GCNT4: variants seen among roughly 807,000 people sequenced by gnomAD.
GCNT4 encodes beta-1,3-galactosyl-O-glycosyl-glycoprotein beta-1,6-N-acetylglucosaminyltransferase 4.
GCNT4 carries 17 observed loss-of-function variants against 31.3 expected under a neutral mutation model. The observed-to-expected ratio is 0.54, with a 90% CI of 0.37 to 0.81. The LOEUF (loss-of-function observed/expected upper bound fraction) is 0.81. GCNT4 is among the 40% of genes least tolerant of loss of function. The probability of loss-of-function intolerance (pLI) is 0.00; values close to 1 mark genes in which losing one functional copy is unlikely to be tolerated. For synonymous variants in GCNT4, 158 were observed against 190.6 expected, an observed-to-expected ratio of 0.83 and a Z score of 1.41; for missense variants, 503 against 525.5, an observed-to-expected ratio of 0.96 and a Z score of 0.42.
Position 75,029,727 on chromosome 5 carries a change from A to G in GCNT4, c.311T>C (p.Val104Ala), listed in dbSNP as rs762102892. The G allele has an allele frequency of 1.9e-6, 3 of 1,614,092 alleles. No homozygotes were observed. Among genetic ancestry groups the G allele is most frequent in the Non-Finnish European group, 2.5e-6 (3 of 1,179,986 alleles). ...DIIDLEDDDV[V>A]AMTSDCDIYQ... ...AATGTCACAATCACTGGTCATTGCC[A>G]CAACATCATCATCCTCCAAGTCAAT... The change falls in exon 4 of 4, where the codon GTG (valine) becomes GCG (alanine). Residue 104 changes from valine to alanine, a missense_variant. Physicochemically the swap from Val to Ala is moderately conservative, Grantham distance 64 (BLOSUM62 0). Transcript: ENST00000652361.
At chr5:75,037,952 A>T (rs1401482100) in intron 3 of GCNT4, among the ~76,000 whole-genome samples, 1 of 150,452 alleles carries the variant, frequency 6.6e-6, no homozygotes, top group Middle Eastern at 3.2e-3. Flanking sequence ...TTTCATTAAA[A>T]AAAAAAAAAA....
intron 3 of GCNT4, among the ~76,000 whole-genome samples, chr5:75,033,438 T>C (rs978709817): frequency 1.3e-5 from 2 of 152,130 alleles, no homozygotes; most frequent in Non-Finnish European, 2.9e-5. Context: ...GAGCCAGGAA[T>C]GAGAGTGAAT....
upstream of GCNT4, among the ~76,000 whole-genome samples, chr5:75,053,118 G>A (rs1743622755): frequency 6.6e-6 from 1 of 151,876 alleles, no homozygotes; most frequent in African/African-American, 2.4e-5. Context: ...GCCGCCCGCT[G>A]CCCTTTCCCC....
chr5:75,032,255 T>C (rs1743080134), intron 3 of GCNT4, among the ~76,000 whole-genome samples: 1 of 152,140 alleles, frequency 6.6e-6, no homozygotes, highest in African/African-American at 2.4e-5. Flanking sequence ...GATTCCACCT[T>C]CCACACTGAT....
chr5:75,038,895 C>T (rs1344676393), intron 3 of GCNT4, among the ~76,000 whole-genome samples: 2 of 152,174 alleles, frequency 1.3e-5, no homozygotes, highest in African/African-American at 4.8e-5. Context: ...CCAACTGCCC[C>T]TATTCAGGTC....
intron 3 of GCNT4, among the ~76,000 whole-genome samples, chr5:75,037,240 AG>A (rs1000087025): frequency 9.9e-5 from 15 of 152,158 alleles, no homozygotes; most frequent in African/African-American, 3.6e-4. Context: ...TGCCAAGCCC[AG>A]GGGATGTTCT....
At chr5:75,038,768 T>C (rs1442184819) in intron 3 of GCNT4, among the ~76,000 whole-genome samples, 2 of 152,214 alleles carry the variant, frequency 1.3e-5, no homozygotes, top group Admixed American at 1.3e-4. Flanking sequence ...CACTTCTTAA[T>C]ACTCTCACAC....
chr5:75,021,161 C>A (rs903655728), downstream of GCNT4, among the ~76,000 whole-genome samples: 3 of 152,134 alleles, frequency 2.0e-5, no homozygotes, highest in African/African-American at 7.2e-5. Flanking sequence ...CTCGAGGACC[C>A]CCTCTGTCAT....
intron 3 of GCNT4, among the ~76,000 whole-genome samples, chr5:75,036,339 T>C (rs1030406755): frequency 6.6e-6 from 1 of 151,806 alleles, no homozygotes; most frequent in African/African-American, 2.4e-5. Flanking sequence ...GTACTACTGT[T>C]ATCCCTCTAT....
At chr5:75,048,303 G>A (rs907521969) in intron 2 of GCNT4, among the ~76,000 whole-genome samples, 5 of 151,872 alleles carry the variant, frequency 3.3e-5, no homozygotes, top group African/African-American at 1.2e-4. Flanking sequence ...ACAGAAATAG[G>A]AACCAAGCAG....
At chr5:75,025,332 A>G (rs1240708048), downstream of GCNT4, 2 of 152,276 alleles carry the variant, frequency 1.3e-5, no homozygotes, top group African/African-American at 4.8e-5. Flanking sequence ...AGGAAAGCTC[A>G]TAAAGTCCAA....
chr5:75,046,435 T>C (rs1194943096), intron 3 of GCNT4, among the ~76,000 whole-genome samples: 3 of 152,216 alleles, frequency 2.0e-5, no homozygotes, highest in African/African-American at 7.2e-5. Context: ...CGCTAGGTGT[T>C]GTTCCTTCTG....
chr5:75,043,798 C>T lies in GCNT4; in HGVS notation c.-2+4099G>A, dbSNP rs1313417631. The stretch of plus-strand genomic sequence containing the variant: ...AAAGGAAATGCTTAACCAACATATA[C>T]ATACGCATGTCCAGGAGCCAAATTA... On this transcript the variant is annotated intron_variant, in intron 3 of 3. Coordinates refer to ENST00000652361, the MANE Select transcript of GCNT4 (RefSeq NM_001366737.1). Among the ~76,000 whole-genome samples, 4 of 152,330 alleles carry T rather than the reference C, an allele frequency of 2.6e-5. No individual in the cohort carries two copies. The East Asian group carries it at 7.7e-4, about 29-fold the overall frequency.
intron 2 of GCNT4, among the ~76,000 whole-genome samples, chr5:75,050,066 A>G (rs1029873978): frequency 3.3e-5 from 5 of 152,232 alleles, no homozygotes; most frequent in African/African-American, 1.2e-4. Flanking sequence ...TGAGACAGGA[A>G]TGTCAGGAAG....
intron 3 of GCNT4, among the ~76,000 whole-genome samples, chr5:75,034,083 G>A (rs192285670): frequency 6.7e-4 from 102 of 152,302 alleles, no homozygotes; most frequent in African/African-American, 2.3e-3. Context: ...AAAGAGGTGC[G>A]TAGGTGCAAA....
At chr5:75,042,274 A>G (rs756766190) in intron 3 of GCNT4, among the ~76,000 whole-genome samples, 1 of 152,226 alleles carries the variant, frequency 6.6e-6, no homozygotes, top group Non-Finnish European at 1.5e-5. Context: ...TTTTCTATAA[A>G]GTAGAAAAAC....
chr5:75,047,160 C>T (rs1743459231), intron 3 of GCNT4, among the ~76,000 whole-genome samples: 2 of 152,144 alleles, frequency 1.3e-5, no homozygotes, highest in African/African-American at 2.4e-5. Flanking sequence ...TGAGGGCTCC[C>T]CTGTCACATA....
rs1413987137 is a variant in GCNT4, at chr5:75,028,583, C to A, written c.*93G>T. 2 of 1,201,990 alleles carry A rather than the reference C, an allele frequency of 1.7e-6. No homozygotes were observed. The highest frequency in any genetic ancestry group is 4.8e-5 in the East Asian group (2 of 42,062). 74.5% of individuals were successfully genotyped at this position (1,201,990 alleles called of 1,614,324 possible). ...GGACACCTTTTAAAATATGGGAGGA[C>A]TGAGTTTAAACAGTATTGGGCATAG... On this transcript the variant is annotated 3_prime_UTR_variant, in exon 4 of 4. Coordinates refer to ENST00000652361, the MANE Select transcript of GCNT4 (RefSeq NM_001366737.1).
chr5:75,032,905 G>A (rs1171367475), intron 3 of GCNT4, among the ~76,000 whole-genome samples: 1 of 135,744 alleles, frequency 7.4e-6, no homozygotes, highest in African/African-American at 2.7e-5. Flanking sequence ...GTGTGTGTGT[G>A]TGTGTGTGTG....
Sources: allele counts gnomAD v4.1 joint callset (sites outside exome capture counted in the v4.1 genomes callset), GRCh38; gene constraint gnomAD v4.1.1; transcripts MANE v1.5; gene names NCBI Gene and HGNC (gene_info 2026-07-23, HGNC 2026-07-21).